OR9Q1: variants seen among roughly 807,000 people sequenced by gnomAD.
The protein encoded by OR9Q1 is olfactory receptor family 9 subfamily Q member 1.
For synonymous variants in OR9Q1, 153 were observed against 148.6 expected (o/e 1.03, Z -0.22); for missense variants, 374 against 378.8 (o/e 0.99, Z 0.11).
Position 58,025,902 on chromosome 11 carries a change from C to G in OR9Q1, c.-93+1798C>G, listed in dbSNP as rs1028206354. Among the ~76,000 whole-genome samples the G allele has an allele frequency of 3.1e-4, 47 of 152,282 alleles. 1 individual carries two copies. The highest frequency in any genetic ancestry group is 9.9e-4 in the African/African-American group (41 of 41,566). Reference sequence around the variant, plus strand: ...CTGGCTTGCTGGGGTGCCTCCCCCTCCCTCTACTGCACTTGGTTTTGTCAG... The same window carrying G: ...CTGGCTTGCTGGGGTGCCTCCCCCTGCCTCTACTGCACTTGGTTTTGTCAG... On this transcript the variant is annotated intron_variant, in intron 1 of 2. Transcript: ENST00000335397.
chr11:58,069,746 C>T (rs1853467784), intron 2 of OR9Q1, among the ~76,000 whole-genome samples: 1 of 151,608 alleles, frequency 6.6e-6, no homozygotes. Flanking sequence ...TGGTACATGC[C>T]TGTAGTCCTA....
intron 2 of OR9Q1, among the ~76,000 whole-genome samples, chr11:58,106,584 A>G (rs1314612472): frequency 6.6e-6 from 1 of 152,110 alleles, no homozygotes; most frequent in East Asian, 1.9e-4. Context: ...GACCAATGTC[A>G]TGAAGCTTTT....
At position 58,179,775 on chromosome 11, in the gene OR9Q1, G is replaced by A. The variant is rs749325407; in HGVS notation, c.331G>A (p.Asp111Asn). The A allele has an allele frequency of 1.8e-5, 29 of 1,614,008 alleles. No homozygotes were observed. Among genetic ancestry groups the A allele is most frequent in the South Asian group, 8.8e-5 (8 of 91,080 alleles). ...TCTGTTCACCTTCTTTGGTTCCATC[G>A]ACTGCTACCTCTTGGCCCTCATGGC... ...FFLFTFFGSIDCYLLALMAYD... is the reference protein window; with the variant it reads ...FFLFTFFGSINCYLLALMAYD... The change falls in exon 3 of 3, where the codon GAC becomes AAC. Residue 111 changes from aspartate (D) to asparagine (N), a missense_variant. Coordinates refer to ENST00000335397, the MANE Select transcript of OR9Q1 (RefSeq NM_001005212.4).
intron 2 of OR9Q1, among the ~76,000 whole-genome samples, chr11:58,120,108 T>C (rs1322599836): frequency 6.6e-6 from 1 of 152,186 alleles, no homozygotes; most frequent in Non-Finnish European, 1.5e-5. Flanking sequence ...AAGTCTTTCT[T>C]TCTACTTTAA....
chr11:58,031,016 A>T (rs370480579), intron 1 of OR9Q1: 31 of 1,614,182 alleles, frequency 1.9e-5, no homozygotes, highest in Non-Finnish European at 2.4e-5. Context: ...CTTTGCTGGC[A>T]TCCATGAAGC....
At chr11:58,155,869 A>C (rs1331862457) in intron 2 of OR9Q1, among the ~76,000 whole-genome samples, 1 of 150,620 alleles carries the variant, frequency 6.6e-6, no homozygotes, top group African/African-American at 2.4e-5. Context: ...ATTTTTTATA[A>C]TTTTGGCATA....
intron 1 of OR9Q1, among the ~76,000 whole-genome samples, chr11:58,048,679 A>AAAAAATATAT (rs745596668): frequency 2.3e-5 from 3 of 131,430 alleles, no homozygotes; most frequent in South Asian, 2.8e-4. Flanking sequence ...TAAAAAAAAA[A>AAAAAATATAT]ATATATATAT....
At chr11:58,085,451 C>T (rs1476949315) in intron 2 of OR9Q1, among the ~76,000 whole-genome samples, 1 of 151,510 alleles carries the variant, frequency 6.6e-6, no homozygotes, top group Non-Finnish European at 1.5e-5. Flanking sequence ...TTTTAAATAT[C>T]CAATATCATA....
At chr11:58,061,685 G>A (rs574333712) in intron 2 of OR9Q1, among the ~76,000 whole-genome samples, 1 of 152,296 alleles carries the variant, frequency 6.6e-6, no homozygotes, top group African/African-American at 2.4e-5. Flanking sequence ...AGGGACTCTG[G>A]GGTTTTGGAA....
chr11:58,137,934 G>A (rs1375635014), intron 2 of OR9Q1, among the ~76,000 whole-genome samples: 1 of 152,160 alleles, frequency 6.6e-6, no homozygotes, highest in Non-Finnish European at 1.5e-5. Context: ...ACTTTTAAGA[G>A]CAGAAGAGAG....
chr11:58,070,367 AC>A (rs1251443633), intron 2 of OR9Q1, among the ~76,000 whole-genome samples: 1 of 151,954 alleles, frequency 6.6e-6, no homozygotes, highest in Non-Finnish European at 1.5e-5. Context: ...TGTACATTAT[AC>A]TTTTCCCCCC....
chr11:58,035,095 T>C (rs781003416), intron 1 of OR9Q1, among the ~76,000 whole-genome samples: 1 of 152,058 alleles, frequency 6.6e-6, no homozygotes, highest in Non-Finnish European at 1.5e-5. Context: ...TCCCAAAGTA[T>C]TGGGACTACA....
intron 2 of OR9Q1, among the ~76,000 whole-genome samples, chr11:58,099,042 A>G (rs1565075462): frequency 6.6e-6 from 1 of 152,032 alleles, no homozygotes; most frequent in Admixed American, 6.6e-5. Flanking sequence ...GTAAAATAAC[A>G]TATTTGGTTT....
chr11:58,054,025 T>G (rs944274268), intron 1 of OR9Q1, among the ~76,000 whole-genome samples: 1 of 152,220 alleles, frequency 6.6e-6, no homozygotes, highest in Non-Finnish European at 1.5e-5. Context: ...TGGGTGGTGA[T>G]GGATGTGTTA....
intron 2 of OR9Q1, among the ~76,000 whole-genome samples, chr11:58,065,224 G>A (rs1482269393): frequency 6.6e-6 from 1 of 152,176 alleles, no homozygotes; most frequent in Non-Finnish European, 1.5e-5. Context: ...CTCTGATGTA[G>A]AAGAGATAAG....
rs56345647 is a variant in OR9Q1 at position 58,055,800 on chromosome 11, T to TAAAAAAAAAA, written c.-92-66_-92-57dup. ...GGGCAACCGAGCGAGACTCTATCTC[T>TAAAAAAAAAA]AAAAAAAAAAAAATGCTGGAGGCAA... is the stretch of plus-strand genomic sequence containing the variant. On this transcript the variant is annotated intron_variant, in intron 1 of 2. Transcript: ENST00000335397. The TAAAAAAAAAA allele has an allele frequency of 8.3e-4, 94 of 112,892 alleles. 9 individuals are homozygous for TAAAAAAAAAA. Among genetic ancestry groups the TAAAAAAAAAA allele is most frequent in the Middle Eastern group, 5.4e-3 (1 of 186 alleles). The allele number at this position is 112,892 out of a possible 1,614,324, so 7.0% of individuals were successfully genotyped here.
At chr11:58,106,462 T>C (rs2120097830) in intron 2 of OR9Q1, among the ~76,000 whole-genome samples, 1 of 152,294 alleles carries the variant, frequency 6.6e-6, no homozygotes, top group East Asian at 1.9e-4. Context: ...TTCACTCTGA[T>C]GATTGTTTCC....
intron 2 of OR9Q1, among the ~76,000 whole-genome samples, chr11:58,057,082 C>T (rs118041594): frequency 0.04 from 6,026 of 150,204 alleles, 125 homozygotes; most frequent in East Asian, 0.061. Context: ...GCAACCCTGC[C>T]TCCCAGGTTC....
rs767948626 is a variant in OR9Q1 at position 58,179,929 on chromosome 11, C to T, written c.485C>T (p.Ser162Leu). The T allele has an allele frequency of 5.0e-6, 8 of 1,614,076 alleles. No individual in the cohort carries two copies. In the African/African-American group the frequency reaches 8.0e-5, roughly 16 times the overall value. ...ATCAGTGCCTTGGTGCGGACAGTCTCAGCCTTCACTCTCTCCTTCTGTGGA... is the reference window on the plus strand; with the variant it reads ...ATCAGTGCCTTGGTGCGGACAGTCTTAGCCTTCACTCTCTCCTTCTGTGGA... Reference protein sequence around the residue: ...GLISALVRTVSAFTLSFCGTS... With the variant: ...GLISALVRTVLAFTLSFCGTS... Residue 162 changes from serine (S) to leucine (L), a missense_variant, in exon 3 of 3, where the codon TCA becomes TTA. Physicochemically the swap from Ser to Leu is moderately radical, Grantham distance 145. Transcript: ENST00000335397.
Sources: gnomAD v4.1 joint callset for allele counts (sites outside exome capture counted in the v4.1 genomes callset) on GRCh38, gnomAD v4.1.1 for gene constraint, MANE v1.5 for transcripts, NCBI Gene and HGNC (gene_info 2026-07-23, HGNC 2026-07-21) for gene names.